The following MAML2 variants were observed in gnomAD, a reference collection of about 807,000 sequenced individuals.
MAML2 encodes the protein mastermind-like protein 2.
MAML2 carries 22 observed loss-of-function variants against 96.1 expected under a neutral mutation model. That is an observed-to-expected ratio of 0.23 (90% CI 0.16 to 0.33). MAML2 has a LOEUF of 0.33. MAML2 is among the 10% of genes least tolerant of loss of function. The pLI, the probability that MAML2 is intolerant of heterozygous loss-of-function variation, is 1.00. For missense variants in MAML2, 1,367 were observed against 1,392.4 expected, an observed-to-expected ratio of 0.98 and a Z score of 0.29; for synonymous variants, 561 against 521.3, an observed-to-expected ratio of 1.08 and a Z score of -1.04.
intron 1 of MAML2, among the ~76,000 whole-genome samples, chr11:96,340,510 C>A (rs529136262): frequency 6.6e-6 from 1 of 152,368 alleles, no homozygotes; most frequent in South Asian, 2.1e-4. Flanking sequence ...AAGGGATACT[C>A]CTCTGGGATG....
chr11:96,037,505 G>T (rs970093465), intron 2 of MAML2, among the ~76,000 whole-genome samples: 1 of 152,142 alleles, frequency 6.6e-6, no homozygotes, highest in African/African-American at 2.4e-5. Flanking sequence ...TTCACCAGCT[G>T]GCTGGTGACC....
chr11:96,254,976 C>G (rs970251746), intron 1 of MAML2, among the ~76,000 whole-genome samples: 3 of 152,122 alleles, frequency 2.0e-5, no homozygotes, highest in African/African-American at 7.2e-5. Flanking sequence ...CCACCACACC[C>G]AGCTAAAATT....
At chr11:96,306,977 C>T (rs1258893154) in intron 1 of MAML2, among the ~76,000 whole-genome samples, 1 of 152,162 alleles carries the variant, frequency 6.6e-6, no homozygotes, top group African/African-American at 2.4e-5. Context: ...TGTGAATACT[C>T]AGCACTCTAT....
intron 2 of MAML2, among the ~76,000 whole-genome samples, chr11:96,040,630 G>A (rs983726943): frequency 1.3e-5 from 2 of 152,114 alleles, no homozygotes; most frequent in African/African-American, 4.8e-5. Flanking sequence ...AGCTGGGCAT[G>A]GTGGTGGGCG....
At chr11:96,077,219 C>CTCTT (rs1555005491) in intron 2 of MAML2, among the ~76,000 whole-genome samples, 2 of 94,124 alleles carry the variant, frequency 2.1e-5, no homozygotes, top group Non-Finnish European at 3.9e-5. Flanking sequence ...CTCTCTCTCT[C>CTCTT]TTTTTTTTTT....
chr11:96,205,151 T>C (rs1280767160), intron 1 of MAML2, among the ~76,000 whole-genome samples: 2 of 152,244 alleles, frequency 1.3e-5, no homozygotes, highest in African/African-American at 2.4e-5. Context: ...CATAATTGAA[T>C]GCTCCAGTCT....
rs367934065 is a variant in MAML2, at chr11:96,092,653, T to C, written c.1378A>G (p.Asn460Asp). 37 of 1,613,090 alleles carry C rather than the reference T, an allele frequency of 2.3e-5. No individual in the cohort carries two copies. The highest frequency in any genetic ancestry group is 1.6e-4 in the Middle Eastern group (1 of 6,068). ...GCAGAAGAGGGCAAGGCTGACCAGT[T>C]GGTAGGCTGGTGCTGCTGCTGGTGC... is the stretch of plus-strand genomic sequence containing the variant. Reference protein sequence around the residue: ...QQHQQQHQPTNWSALPSSAGP... With the variant: ...QQHQQQHQPTDWSALPSSAGP... Residue 460 changes from asparagine (N) to aspartate (D), a missense_variant, in exon 2 of 5, where the codon AAC becomes GAC. Physicochemically the swap from Asn to Asp is conservative, Grantham distance 23. Transcript: ENST00000524717. This position sits in a 1 kb window ranked among gnomAD's most constrained non-coding sequence, Gnocchi z 4.1.
chr11:96,286,046 T>G (rs1856416197), intron 1 of MAML2, among the ~76,000 whole-genome samples: 1 of 152,208 alleles, frequency 6.6e-6, no homozygotes, highest in African/African-American at 2.4e-5. Flanking sequence ...GCAGCACTAT[T>G]CACAATAGCA....
At position 96,341,428 on chromosome 11, in the gene MAML2, C is replaced by T. The variant is rs1249115256; in HGVS notation, c.468G>A (p.Pro156=). 3.9e-6 allele frequency: 6 copies of T among 1,547,086 alleles called. No individual in the cohort carries two copies. Among genetic ancestry groups the T allele is most frequent in the East Asian group, 2.4e-5 (1 of 40,874 alleles). The change falls in exon 1 of 5, where the codon CCG becomes CCA. Residue 156 remains proline (P), a synonymous_variant. Transcript: ENST00000524717. ...GSGGINGEQQ[P]PASTPGDQRN... is the part of the protein sequence containing the mutation. ...TCTGGTCCCCTGGGGTTGAAGCGGG[C>T]GGCTGCTGCTCTCCGTTTATCCCAC...
rs1444794206 is a variant in MAML2, at chr11:95,979,390, G to A, written c.3029C>T (p.Ser1010Phe). The A allele has an allele frequency of 4.3e-6, 7 of 1,613,460 alleles. No individual in the cohort carries two copies. The highest frequency in any genetic ancestry group is 5.1e-6 in the Non-Finnish European group (6 of 1,179,744). ...GTTAGGAGGAGCCACTGCCCTCTGGGAAAATTGCTGGCTACCTACTGCCTG... is the reference window on the plus strand; with the variant it reads ...GTTAGGAGGAGCCACTGCCCTCTGGAAAAATTGCTGGCTACCTACTGCCTG... Reference protein sequence around the residue: ...LQQAVGSQQFSQRAVAPPNQL... With the variant: ...LQQAVGSQQFFQRAVAPPNQL... The change falls in exon 5 of 5, where the codon TCC (serine) becomes TTC (phenylalanine). Residue 1010 changes from serine (S) to phenylalanine (F), a missense_variant. By Grantham distance (155) the Ser-to-Phe change is radical. Transcript: ENST00000524717.
intron 1 of MAML2, among the ~76,000 whole-genome samples, chr11:96,337,062 G>A (rs1863930356): frequency 6.6e-6 from 1 of 152,102 alleles, no homozygotes; most frequent in South Asian, 2.1e-4. Context: ...CTCTCCACTT[G>A]AACCCTTTTG....
At chr11:96,150,594 A>C (rs11607536) in intron 1 of MAML2, among the ~76,000 whole-genome samples, 15,178 of 152,238 alleles carry the variant, frequency 0.1, 1,027 homozygotes, top group Non-Finnish European at 0.15. Context: ...GCAGAGAGTT[A>C]GGGCAGGGAC....
intron 1 of MAML2, among the ~76,000 whole-genome samples, chr11:96,316,464 C>G (rs1480523905): frequency 6.6e-6 from 1 of 152,070 alleles, no homozygotes; most frequent in East Asian, 1.9e-4. Context: ...AATAAGGCTA[C>G]CATTCATGTT....
chr11:96,030,726 T>C (rs1389143510), intron 2 of MAML2, among the ~76,000 whole-genome samples: 1 of 152,168 alleles, frequency 6.6e-6, no homozygotes, highest in Non-Finnish European at 1.5e-5. Context: ...ACCATTGACC[T>C]GACAGAGAAC....
At chr11:96,255,281 C>T (rs1670368074) in intron 1 of MAML2, among the ~76,000 whole-genome samples, 1 of 152,238 alleles carries the variant, frequency 6.6e-6, no homozygotes, top group South Asian at 2.1e-4. Flanking sequence ...TGTCAAGCAT[C>T]ATGTTAGAGC....
At chr11:96,265,815 G>C (rs1862818099) in intron 1 of MAML2, among the ~76,000 whole-genome samples, 1 of 152,134 alleles carries the variant, frequency 6.6e-6, no homozygotes, top group African/African-American at 2.4e-5. Flanking sequence ...CCAACTTATG[G>C]GGAAAATCAT....
Position 95,991,776 on chromosome 11 carries a change from A to G in MAML2, c.2140-53T>C. 4 of 1,383,874 alleles carry G rather than the reference A, an allele frequency of 2.9e-6. No individual in the cohort carries two copies. In the South Asian group the frequency reaches 3.5e-5, roughly 12 times the overall value. The allele number at this position is 1,383,874 out of a possible 1,614,324, so 85.7% of individuals were successfully genotyped here. On this transcript the variant is annotated intron_variant, in intron 2 of 4. Coordinates refer to ENST00000524717, the MANE Select transcript of MAML2 (RefSeq NM_032427.4). ...GCTACTGTGAATTAAAAAAAGAAAA[A>G]TGTAGCACAAAGATCATACACTCAG...
chr11:96,188,071 A>T (rs950169297), intron 1 of MAML2, among the ~76,000 whole-genome samples: 3 of 152,220 alleles, frequency 2.0e-5, no homozygotes, highest in African/African-American at 7.2e-5. Context: ...AATCATCACT[A>T]CAGCACCCTG....
rs182630516 is a variant in MAML2, at chr11:95,979,394, A to C, written c.3025T>G (p.Phe1009Val). The C allele has an allele frequency of 4.6e-4, 736 of 1,613,562 alleles. 1 individual carries two copies. The highest frequency in any genetic ancestry group is 4.9e-4 in the Non-Finnish European group (582 of 1,179,756). Residue 1009 changes from phenylalanine to valine, a missense_variant, in exon 5 of 5, where the codon TTT becomes GTT. Physicochemically the swap from Phe to Val is conservative, Grantham distance 50. Coordinates refer to ENST00000524717, the MANE Select transcript of MAML2 (RefSeq NM_032427.4). ...SLQQAVGSQQ[F>V]SQRAVAPPNQ... ...GGAGGAGCCACTGCCCTCTGGGAAAATTGCTGGCTACCTACTGCCTGTTGC... is the reference window on the plus strand; with the variant it reads ...GGAGGAGCCACTGCCCTCTGGGAAACTTGCTGGCTACCTACTGCCTGTTGC...
Sources: allele counts gnomAD v4.1 joint callset (sites outside exome capture counted in the v4.1 genomes callset), GRCh38; gene constraint gnomAD v4.1.1; non-coding constraint Gnocchi (gnomAD v3.1); transcripts MANE v1.5; gene names NCBI Gene and HGNC (gene_info 2026-07-23, HGNC 2026-07-21).